KCNK9: variants seen among roughly 807,000 people sequenced by gnomAD.
KCNK9 encodes potassium channel subfamily K member 9.
KCNK9 carries 1 observed loss-of-function variant against 10.8 expected under a neutral mutation model. The ratio of observed to expected loss-of-function variants is 0.09; its 90% confidence interval spans 0.03 to 0.44. The LOEUF (loss-of-function observed/expected upper bound fraction) is 0.44. Ranked by LOEUF, KCNK9 falls within the 20% of genes least tolerant of loss-of-function variation. The pLI is 0.97. For missense variants in KCNK9, 303 were observed against 515.0 expected (o/e 0.59, Z 3.98); for synonymous variants, 231 against 222.7 (o/e 1.04, Z -0.33).
At chr8:139,671,966 G>T (rs181381696) in intron 1 of KCNK9, among the ~76,000 whole-genome samples, 1 of 152,296 alleles carries the variant, frequency 6.6e-6, no homozygotes, top group East Asian at 1.9e-4. Context: ...GGGAGAGGCA[G>T]ATGTGAAAAT....
At chr8:139,662,824 G>T (rs1816192320) in intron 1 of KCNK9, among the ~76,000 whole-genome samples, 1 of 148,904 alleles carries the variant, frequency 6.7e-6, no homozygotes, top group Non-Finnish European at 1.5e-5. Flanking sequence ...GGGGACAGGG[G>T]AGGGGGGTCA....
intron 1 of KCNK9, among the ~76,000 whole-genome samples, chr8:139,675,360 T>C (rs1336346073): frequency 6.6e-6 from 1 of 152,164 alleles, no homozygotes; most frequent in African/African-American, 2.4e-5. Flanking sequence ...TCCCCTAAAA[T>C]CCATATGTTA....
rs147913693 is a variant in KCNK9 at position 139,648,295 on chromosome 8, G to A, written c.284-29196C>T. On this transcript the variant is annotated intron_variant, in intron 1 of 1. Transcript: ENST00000520439. ...AATGGGAGTGAGTGCTACTGGGGAC[G>A]GGGTATTACTTTGGAGCCGAAAATA... Among the ~76,000 whole-genome samples the A allele has an allele frequency of 1.4e-3, 219 of 152,246 alleles. 1 individual carries two copies. The highest frequency in any genetic ancestry group is 4.9e-3 in the African/African-American group (205 of 41,532).
At chr8:139,635,270 G>A (rs1025680531) in intron 1 of KCNK9, among the ~76,000 whole-genome samples, 22 of 152,346 alleles carry the variant, frequency 1.4e-4, no homozygotes, top group East Asian at 1.9e-4. Context: ...GTACTATCCC[G>A]TATCATCAAC....
At chr8:139,621,826 C>CA (rs35472078) in intron 1 of KCNK9, among the ~76,000 whole-genome samples, 3 of 152,060 alleles carry the variant, frequency 2.0e-5, no homozygotes, top group South Asian at 2.1e-4. Context: ...AGAGCTGATA[C>CA]AAAAAAAGCC....
At chr8:139,612,853 G>C (rs545674809), downstream of KCNK9, among the ~76,000 whole-genome samples, 13 of 152,206 alleles carry the variant, frequency 8.5e-5, no homozygotes, top group East Asian at 2.3e-3. Context: ...GGAGATCACA[G>C]GGCATTATTC....
At chr8:139,675,244 G>A (rs549626335) in intron 1 of KCNK9, among the ~76,000 whole-genome samples, 2 of 152,334 alleles carry the variant, frequency 1.3e-5, no homozygotes, top group African/African-American at 2.4e-5. Flanking sequence ...GAGGGGAGGA[G>A]GGGAGACATC....
At chr8:139,696,651 G>T (rs1397293638) in intron 1 of KCNK9, among the ~76,000 whole-genome samples, 1 of 152,058 alleles carries the variant, frequency 6.6e-6, no homozygotes, top group Non-Finnish European at 1.5e-5. Flanking sequence ...GAAGGAGGGA[G>T]GGAAGAAGGG....
chr8:139,688,975 T>A (rs1170969267), intron 1 of KCNK9, among the ~76,000 whole-genome samples: 1 of 152,038 alleles, frequency 6.6e-6, no homozygotes, highest in Non-Finnish European at 1.5e-5. Context: ...ATGTAACTGT[T>A]TTTGGAAAAA....
intron 1 of KCNK9, among the ~76,000 whole-genome samples, chr8:139,646,966 AAACTCGTGCAC>A (rs1815706500): frequency 2.0e-5 from 3 of 152,228 alleles, no homozygotes; most frequent in African/African-American, 7.2e-5. Context: ...CCGCCAGCCC[AAACTCGTGCAC>A]AAGGCGGGGT....
downstream of KCNK9, among the ~76,000 whole-genome samples, chr8:139,614,198 C>T (rs888764046): frequency 1.3e-5 from 2 of 152,154 alleles, no homozygotes. Context: ...CAGAGAAAAA[C>T]GACCTGCCTA....
At chr8:139,661,267 C>T (rs1816144301) in intron 1 of KCNK9, among the ~76,000 whole-genome samples, 1 of 152,192 alleles carries the variant, frequency 6.6e-6, no homozygotes, top group Admixed American at 6.5e-5. Flanking sequence ...CAGTCTCCAC[C>T]CACACAGAGC....
At chr8:139,691,684 T>C (rs886504691) in intron 1 of KCNK9, among the ~76,000 whole-genome samples, 8 of 152,216 alleles carry the variant, frequency 5.3e-5, no homozygotes, top group Non-Finnish European at 8.8e-5. Flanking sequence ...TCAGTGGATA[T>C]ATAGCCATTA....
At chr8:139,677,177 A>G (rs1816568478) in intron 1 of KCNK9, among the ~76,000 whole-genome samples, 1 of 152,068 alleles carries the variant, frequency 6.6e-6, no homozygotes, top group South Asian at 2.1e-4. Flanking sequence ...GCCACCAATT[A>G]AAGGTTGATG....
chr8:139,626,967 G>T (rs1024998347), intron 1 of KCNK9, among the ~76,000 whole-genome samples: 1 of 152,268 alleles, frequency 6.6e-6, no homozygotes, highest in Middle Eastern at 3.4e-3. Flanking sequence ...CCCCGCTCAG[G>T]CCCCGGAATG....
downstream of KCNK9, among the ~76,000 whole-genome samples, chr8:139,611,041 C>T (rs767106642): frequency 5.9e-5 from 9 of 152,248 alleles, no homozygotes; most frequent in Non-Finnish European, 1.2e-4. Flanking sequence ...AACCCATTTC[C>T]TCCATGAAGC....
intron 1 of KCNK9, among the ~76,000 whole-genome samples, chr8:139,624,544 T>C (rs1814904208): frequency 6.6e-6 from 1 of 152,136 alleles, no homozygotes; most frequent in Non-Finnish European, 1.5e-5. Flanking sequence ...CCTGGCCTGC[T>C]CAGCTTTGCC....
At chr8:139,639,567 A>G (rs1024973394) in intron 1 of KCNK9, among the ~76,000 whole-genome samples, 4 of 152,226 alleles carry the variant, frequency 2.6e-5, no homozygotes, top group African/African-American at 9.6e-5. Flanking sequence ...TGCAGTAGCC[A>G]TGGCTCCCCA....
At chr8:139,677,690 T>A (rs112955350) in intron 1 of KCNK9, among the ~76,000 whole-genome samples, 2,502 of 42,820 alleles carry the variant, frequency 0.058, 176 homozygotes, top group African/African-American at 0.13. Flanking sequence ...CCCAGTGGGT[T>A]CCCACAGCTG....
Sources: gnomAD v4.1 joint callset for allele counts (sites outside exome capture counted in the v4.1 genomes callset) on GRCh38, gnomAD v4.1.1 for gene constraint, MANE v1.5 for transcripts, NCBI Gene and HGNC (gene_info 2026-07-23, HGNC 2026-07-21) for gene names.